CLCNKA: variants seen among roughly 807,000 people sequenced by gnomAD.
CLCNKA encodes chloride voltage-gated channel Ka.
CLCNKA carries 66 observed loss-of-function variants against 83.3 expected under a neutral mutation model. That is an observed-to-expected ratio of 0.79 (90% CI 0.65 to 0.97). The LOEUF is 0.97. Among genes scored for constraint, CLCNKA ranks in the 50% least tolerant of loss-of-function variants. CLCNKA has a pLI of 0.00. For missense variants in CLCNKA, 806 were observed against 888.7 expected (o/e 0.91, Z 1.18); for synonymous variants, 357 against 370.4 (o/e 0.96, Z 0.42).
At position 16,032,212 on chromosome 1, in the gene CLCNKA, TC is replaced by T; in HGVS notation, c.1768del (p.Leu590TrpfsTer2). 1 of 1,612,334 alleles carries T rather than the reference TC, an allele frequency of 6.2e-7. No individual in the cohort carries two copies. The highest frequency in any genetic ancestry group is 8.5e-7 in the Non-Finnish European group (1 of 1,179,678). ...YPLVESTESQILVGIVQRAQL... is the reference protein window; with the variant it reads ...YPLVESTESQXLVGIVQRAQL... ...CCTCTCTACTTGCCAGAGTCCCAGA[TC>T]CTGGTAGGCATCGTGCAGAGGGCCC... On this transcript the variant is annotated frameshift_variant, in exon 17 of 20. Transcript: ENST00000331433. LOFTEE classifies it high-confidence loss of function.
chr1:16,022,734 C>A lies in CLCNKA; in HGVS notation c.100+15C>A. 6.6e-7 allele frequency: 1 copy of A among 1,504,644 alleles called. No homozygotes were observed. Among genetic ancestry groups the A allele is most frequent in the Non-Finnish European group, 8.9e-7 (1 of 1,119,652 alleles). 93.2% of individuals were successfully genotyped at this position (1,504,644 alleles called of 1,614,324 possible). On this transcript the variant is annotated intron_variant, in intron 2 of 19. Transcript: ENST00000331433. ...AGCCATCCAAGGTGAGAGCCAGGTCCTCTTCCCTACCCGCGGGGGACCACT... is the reference window on the plus strand; with the variant it reads ...AGCCATCCAAGGTGAGAGCCAGGTCATCTTCCCTACCCGCGGGGGACCACT...
chr1:16,023,239 C>G (rs376015851), intron 2 of CLCNKA, among the ~76,000 whole-genome samples: 1 of 152,180 alleles, frequency 6.6e-6, no homozygotes, highest in Non-Finnish European at 1.5e-5. Context: ...CTGCAGCCAG[C>G]GGGCCAGGGG....
Position 16,033,178 on chromosome 1 carries a change from C to T in CLCNKA, c.1938C>T (p.Asn646=). 6.2e-7 allele frequency: 1 copy of T among 1,614,176 alleles called. No individual in the cohort carries two copies. Among genetic ancestry groups the T allele is most frequent in the Non-Finnish European group, 8.5e-7 (1 of 1,180,014 alleles). ...AACAATCCCCCATCCAGGCACAAAA[C>T]CTCTTTAAGCTGTTGAACCTTCAGT... is the stretch of plus-strand genomic sequence containing the variant. ...FSETTLHQAQ[N]LFKLLNLQSL... Residue 646 remains asparagine, a synonymous_variant, in exon 19 of 20, where the codon AAC becomes AAT. Transcript: ENST00000331433.
At chr1:16,026,474 G>C (rs1180331258) in intron 5 of CLCNKA, 62 bp from the exon 6 acceptor site, 13 of 1,604,352 alleles carry the variant, frequency 8.1e-6, no homozygotes, top group East Asian at 2.2e-5. Flanking sequence ...TGGGGAAGCC[G>C]TGCTGCCTCG....
intron 2 of CLCNKA, among the ~76,000 whole-genome samples, chr1:16,023,560 C>T (rs1473871919): frequency 1.3e-5 from 2 of 152,224 alleles, no homozygotes; most frequent in East Asian, 3.9e-4. Flanking sequence ...TCCAGGCTCA[C>T]TCAGTGGTGG....
chr1:16,023,982 T>C, intron 3 of CLCNKA, 54 bp downstream of exon 3: 1 of 1,610,216 alleles, frequency 6.2e-7, no homozygotes, highest in East Asian at 2.2e-5. Flanking sequence ...AGGCACGCTC[T>C]GGGGATACCA....
intron 8 of CLCNKA, 56 bp downstream of exon 8, chr1:16,027,491 A>C (rs1178518409): frequency 3.6e-5 from 57 of 1,604,524 alleles, no homozygotes; most frequent in African/African-American, 1.1e-4. Flanking sequence ...GGCGAGGGAG[A>C]CCTCCCTTCT....
chr1:16,024,534 CAGAG>C (rs1482461060), intron 3 of CLCNKA, among the ~76,000 whole-genome samples: 2 of 152,180 alleles, frequency 1.3e-5, no homozygotes, highest in African/African-American at 4.8e-5. Context: ...AACTGAGGCT[CAGAG>C]AGGCTGAGTG....
chr1:16,026,646 G>A, intron 6 of CLCNKA, 33 bp downstream of exon 6: 1 of 1,613,860 alleles, frequency 6.2e-7, no homozygotes, highest in Admixed American at 1.7e-5. Context: ...TGGAGAAATG[G>A]GAGTGGGGAG....
Position 16,029,994 on chromosome 1 carries a change from G to C in CLCNKA, c.1327G>C (p.Ala443Pro), listed in dbSNP as rs387907409. The C allele has an allele frequency of 6.2e-7, 1 of 1,611,380 alleles. No homozygotes were observed. The highest frequency in any genetic ancestry group is 1.7e-5 in the Admixed American group (1 of 59,998). The change falls in exon 14 of 20, where the codon GCT becomes CCT. Residue 443 changes from alanine (A) to proline (P), a missense_variant. Transcript: ENST00000331433. Reference protein sequence around the residue: ...GAAIGRLLGEALAVAFPEGIV... With the variant: ...GAAIGRLLGEPLAVAFPEGIV... ...TGCCATCGGGCGCCTCTTGGGAGAG[G>C]CTCTTGCCGTCGCCTTCCCTGAGGG...
rs115318276 is a variant in CLCNKA at position 16,032,325 on chromosome 1, G to A, written c.1845+34G>A. The A allele has an allele frequency of 2.5e-3, 3,689 of 1,493,112 alleles. 89 individuals carry two copies. In the African/African-American group the frequency reaches 0.046, roughly 19 times the overall value. The allele number at this position is 1,493,112 out of a possible 1,614,324, so 92.5% of individuals were successfully genotyped here. ...TCCTGAGGGGCGTGGGGATGGGGCG[G>A]GGGTGGGTCAGCAGGGATGGGAGGG... On this transcript the variant is annotated intron_variant, in intron 17 of 19. Coordinates refer to ENST00000331433, the MANE Select transcript of CLCNKA (RefSeq NM_004070.4).
At position 16,028,796 on chromosome 1, in the gene CLCNKA, T is replaced by C. The variant is rs1264582303; in HGVS notation, c.1004T>C (p.Leu335Pro). The change falls in exon 11 of 20, where the codon CTC (leucine) becomes CCC (proline). Residue 335 changes from leucine (L) to proline (P), a missense_variant. Coordinates refer to ENST00000331433, the MANE Select transcript of CLCNKA (RefSeq NM_004070.4). The part of the protein sequence containing the change: ...PVYSALATLL[L>P]ASITYPPGVG... ...TACTCCGCTCTGGCCACCTTGCTTC[T>C]CGCCTCCATCACCTACCCGCCTGGT... 2.5e-6 allele frequency: 4 copies of C among 1,614,016 alleles called. No homozygotes were observed. The highest frequency in any genetic ancestry group is 3.4e-6 in the Non-Finnish European group (4 of 1,180,040).
chr1:16,032,790 A>C (rs993569006), intron 18 of CLCNKA, among the ~76,000 whole-genome samples: 3 of 152,250 alleles, frequency 2.0e-5, no homozygotes, highest in Admixed American at 1.3e-4. Context: ...GCACCAAGGC[A>C]CACGTGCGTT....
chr1:16,027,307 C>T lies in CLCNKA; in HGVS notation c.656-3C>T. 6.2e-7 allele frequency: 1 copy of T among 1,613,082 alleles called. No homozygotes were observed. Among genetic ancestry groups the T allele is most frequent in the Non-Finnish European group, 8.5e-7 (1 of 1,179,992 alleles). ...GCCCACCTGACATCAGTGTCGCCCC[C>T]AGGCGTCCTGTTCAGCATCGAGGTC... On this transcript the variant is annotated splice_region_variant and splice_polypyrimidine_tract_variant and intron_variant, in intron 7 of 19. Coordinates refer to ENST00000331433, the MANE Select transcript of CLCNKA (RefSeq NM_004070.4).
At chr1:16,032,396 A>G in intron 17 of CLCNKA, 47 bp from the exon 18 acceptor site, 1 of 1,569,994 alleles carries the variant, frequency 6.4e-7, no homozygotes, top group Non-Finnish European at 8.8e-7. Context: ...TGAGAGAGGC[A>G]TCCTGGGGAG....
chr1:16,027,277 TG>T (rs2022400370), intron 7 of CLCNKA, 32 bp from the exon 8 acceptor site: 2 of 1,607,704 alleles, frequency 1.2e-6, no homozygotes, highest in African/African-American at 1.3e-5. Context: ...TGGGTGGGGG[TG>T]GGGGCCCACC....
At chr1:16,027,598 C>T (rs1171621128) in intron 8 of CLCNKA, among the ~76,000 whole-genome samples, 163 bp downstream of exon 8, 3 of 151,786 alleles carry the variant, frequency 2.0e-5, no homozygotes, top group East Asian at 3.9e-4. Context: ...AGGGGCTGAC[C>T]TGTGTTGAGC....
rs774351546 is a variant in CLCNKA at position 16,026,269 on chromosome 1, C to A, written c.498+22C>A. On this transcript the variant is annotated intron_variant, in intron 5 of 19. Transcript: ENST00000331433. ...AGTGGTATGGTCAGGTGTGAGGGCA[C>A]CCCAGCCACCCCGCCCACCCTACCC... The A allele has an allele frequency of 5.0e-6, 8 of 1,612,524 alleles. No individual in the cohort carries two copies. The South Asian group carries it at 7.7e-5, about 16-fold the overall frequency.
intron 7 of CLCNKA, 60 bp from the exon 8 acceptor site, chr1:16,027,250 G>A (rs2022398643): frequency 7.5e-6 from 12 of 1,608,452 alleles, no homozygotes; most frequent in Non-Finnish European, 9.3e-6. Context: ...TGGGGGAGGG[G>A]GCCCTACAGC....
Sources: allele counts gnomAD v4.1 joint callset (sites outside exome capture counted in the v4.1 genomes callset), GRCh38; gene constraint gnomAD v4.1.1; transcripts MANE v1.5; gene names NCBI Gene and HGNC (gene_info 2026-07-23, HGNC 2026-07-21).